The following LAMA2 variants were observed in gnomAD, a reference collection of about 807,000 sequenced individuals.
The protein encoded by LAMA2 is laminin subunit alpha-2.
A neutral mutation model predicts 364.8 loss-of-function variants in LAMA2; 269 were observed. The ratio of observed to expected loss-of-function variants is 0.74; its 90% CI spans 0.67 to 0.82. The LOEUF (loss-of-function observed/expected upper bound fraction) is 0.82. Among genes scored for constraint, LAMA2 ranks in the 40% least tolerant of loss-of-function variants. The pLI, the probability that LAMA2 is intolerant of heterozygous loss-of-function variation, is 0.00. For synonymous variants in LAMA2, 1,379 were observed against 1,370.6 expected, an observed-to-expected ratio of 1.01 and a Z score of -0.14; for missense variants, 3,807 against 3,873.2, an observed-to-expected ratio of 0.98 and a Z score of 0.45.
At chr6:129,318,242 A>G (rs1436467387) in intron 27 of LAMA2, among the ~76,000 whole-genome samples, 2 of 152,186 alleles carry the variant, frequency 1.3e-5, no homozygotes, top group East Asian at 3.8e-4. Context: ...TTGAGGTTTG[A>G]ACTTTGTACA....
chr6:128,909,413 TC>T (rs1359198101), intron 1 of LAMA2, among the ~76,000 whole-genome samples: 6 of 151,726 alleles, frequency 4.0e-5, no homozygotes, highest in African/African-American at 1.2e-4. Context: ...TCTCTTTTGA[TC>T]TTTGTTGGTT....
intron 12 of LAMA2, among the ~76,000 whole-genome samples, chr6:129,228,226 G>C (rs910007344): frequency 2.0e-5 from 3 of 152,226 alleles, no homozygotes; most frequent in Admixed American, 6.5e-5. Flanking sequence ...GGTGCCGTCT[G>C]TCACAGCTTC....
intron 2 of LAMA2, 70 bp from the exon 3 acceptor site, chr6:129,059,714 A>G (rs1788755008): frequency 1.0e-6 from 1 of 959,506 alleles, no homozygotes; most frequent in Non-Finnish European, 1.7e-6. Context: ...TTTTTACTTT[A>G]AAGAAAAAGC....
At chr6:129,298,568 C>G (rs1773351316) in intron 21 of LAMA2, among the ~76,000 whole-genome samples, 1 of 152,098 alleles carries the variant, frequency 6.6e-6, no homozygotes, top group Non-Finnish European at 1.5e-5. Context: ...TCGAACTGAC[C>G]CTTATTCCAA....
chr6:129,157,487 T>C, intron 8 of LAMA2: 1 of 1,610,026 alleles, frequency 6.2e-7, no homozygotes, highest in Non-Finnish European at 8.5e-7. Context: ...AAAACAGTTC[T>C]TGCAGTCTAG....
chr6:129,328,710 A>G (rs566220452), intron 29 of LAMA2, among the ~76,000 whole-genome samples: 3 of 152,202 alleles, frequency 2.0e-5, no homozygotes, highest in African/African-American at 2.4e-5. Context: ...TTTTCTTATA[A>G]ATAAACTTTC....
intron 4 of LAMA2, among the ~76,000 whole-genome samples, chr6:129,110,937 T>C (rs1009594694): frequency 6.6e-6 from 1 of 151,966 alleles, no homozygotes; most frequent in Non-Finnish European, 1.5e-5. Context: ...GGAAAGATAA[T>C]GTACTATTAT....
At chr6:129,145,698 TA>T (rs1778391618) in intron 5 of LAMA2, among the ~76,000 whole-genome samples, 1 of 151,976 alleles carries the variant, frequency 6.6e-6, no homozygotes, top group South Asian at 2.1e-4. Flanking sequence ...AATAATGCAG[TA>T]TAAGTCAACA....
chr6:129,379,618 C>T (rs1464362509), intron 34 of LAMA2, among the ~76,000 whole-genome samples: 1 of 152,064 alleles, frequency 6.6e-6, no homozygotes, highest in Non-Finnish European at 1.5e-5. Flanking sequence ...CTACCCTCTT[C>T]CTGCCCCCTA....
chr6:129,441,155 T>C (rs1385022578), intron 43 of LAMA2, among the ~76,000 whole-genome samples, 157 bp downstream of exon 43: 2 of 152,192 alleles, frequency 1.3e-5, no homozygotes, highest in Non-Finnish European at 2.9e-5. Flanking sequence ...TGTCATGCAG[T>C]TCCAAAGCTG....
chr6:129,146,927 A>G (rs752103756), intron 5 of LAMA2, 32 bp from the exon 6 acceptor site: 12 of 1,361,516 alleles, frequency 8.8e-6, no homozygotes, highest in Middle Eastern at 1.8e-4. Context: ...CAGTCATCTT[A>G]ACAGGATTTC....
intron 58 of LAMA2, among the ~76,000 whole-genome samples, chr6:129,497,472 T>G (rs1205890543): frequency 6.6e-6 from 1 of 152,130 alleles, no homozygotes. Flanking sequence ...TCTTGGGAAG[T>G]GATCCACCTG....
intron 35 of LAMA2, among the ~76,000 whole-genome samples, chr6:129,384,121 A>G (rs1442590430): frequency 2.0e-5 from 3 of 152,226 alleles, no homozygotes; most frequent in African/African-American, 7.2e-5. Flanking sequence ...GCAAGAAGCA[A>G]CAGGGTTTTA....
chr6:129,103,830 G>GTA (rs1775664453), intron 4 of LAMA2, among the ~76,000 whole-genome samples: 1 of 151,798 alleles, frequency 6.6e-6, no homozygotes, highest in South Asian at 2.1e-4. Context: ...TACATAGTAG[G>GTA]TGTATATATT....
chr6:129,048,604 TTCTCTC>T (rs59707849), intron 1 of LAMA2, among the ~76,000 whole-genome samples: 133 of 132,764 alleles, frequency 1.0e-3, no homozygotes, highest in East Asian at 3.1e-3. Flanking sequence ...CTTCCTTCCT[TTCTCTC>T]TCTCTCTCTC....
chr6:129,082,345 A>T (rs887842453), intron 3 of LAMA2, among the ~76,000 whole-genome samples: 1 of 152,076 alleles, frequency 6.6e-6, no homozygotes, highest in Non-Finnish European at 1.5e-5. Flanking sequence ...ATAATATTAC[A>T]GATGTTATTC....
intron 1 of LAMA2, among the ~76,000 whole-genome samples, chr6:128,970,918 G>A (rs1006024595): frequency 1.3e-5 from 2 of 152,152 alleles, no homozygotes; most frequent in African/African-American, 4.8e-5. Flanking sequence ...CTCTTAAAGC[G>A]GAATTTATTT....
At chr6:129,479,708 A>G (rs2114836435) in intron 54 of LAMA2, 1 of 152,308 alleles carries the variant, frequency 6.6e-6, no homozygotes, top group South Asian at 2.1e-4. Flanking sequence ...ACTCCAATAG[A>G]ATTAGGGAAA....
chr6:128,974,901 G>A (rs1030973080), intron 1 of LAMA2, among the ~76,000 whole-genome samples: 3 of 150,660 alleles, frequency 2.0e-5, no homozygotes, highest in Admixed American at 1.3e-4. Context: ...GCCCAGGCTG[G>A]AGTGCAGTGG....
Sources: gnomAD v4.1 joint callset for allele counts (sites outside exome capture counted in the v4.1 genomes callset) on GRCh38, gnomAD v4.1.1 for gene constraint, MANE v1.5 for transcripts, NCBI Gene and HGNC (gene_info 2026-07-23, HGNC 2026-07-21) for gene names.